CRPPA: variants seen among roughly 807,000 people sequenced by gnomAD.
CRPPA encodes the protein CDP-L-ribitol pyrophosphorylase A.
A neutral mutation model predicts 52.0 loss-of-function variants in CRPPA; 43 were observed. That is an observed-to-expected ratio of 0.83 (90% confidence interval 0.65 to 1.07). The LOEUF (loss-of-function observed/expected upper bound fraction) is 1.07, where lower values mean the gene tolerates loss of function less well. CRPPA is among the 50% of genes least tolerant of loss of function. CRPPA has a pLI of 0.00. For synonymous variants in CRPPA, 250 were observed against 203.5 expected, an observed-to-expected ratio of 1.23 and a Z score of -1.94; for missense variants, 629 against 551.7, an observed-to-expected ratio of 1.14 and a Z score of -1.40.
chr7:16,226,455 A>G (rs1311033355), intron 8 of CRPPA, among the ~76,000 whole-genome samples: 1 of 151,804 alleles, frequency 6.6e-6, no homozygotes, highest in East Asian at 1.9e-4. Context: ...TTTTTCCATG[A>G]AGGTACATCA....
intron 3 of CRPPA, among the ~76,000 whole-genome samples, chr7:16,338,777 C>G (rs1300077440): frequency 6.6e-6 from 1 of 151,570 alleles, no homozygotes; most frequent in Non-Finnish European, 1.5e-5. Context: ...GCAGAAAGCA[C>G]CAGCCCCCAA....
At chr7:16,400,521 A>C (rs747290351) in intron 2 of CRPPA, among the ~76,000 whole-genome samples, 1 of 152,244 alleles carries the variant, frequency 6.6e-6, no homozygotes, top group Non-Finnish European at 1.5e-5. Flanking sequence ...CACGACTGGC[A>C]CATGATTGAC....
chr7:16,247,542 G>T (rs144473329), intron 8 of CRPPA, among the ~76,000 whole-genome samples: 26 of 152,208 alleles, frequency 1.7e-4, no homozygotes, highest in African/African-American at 6.0e-4. Context: ...AGAGATCACT[G>T]ATCATAGACT....
intron 3 of CRPPA, among the ~76,000 whole-genome samples, chr7:16,317,007 G>GT (rs1785158213): frequency 6.6e-6 from 1 of 152,082 alleles, no homozygotes; most frequent in Admixed American, 6.5e-5. Context: ...AATCAGCTTA[G>GT]TTTTTTCTAA....
intron 9 of CRPPA, among the ~76,000 whole-genome samples, chr7:16,212,322 A>G (rs1205781774): frequency 6.6e-6 from 1 of 152,206 alleles, no homozygotes; most frequent in Non-Finnish European, 1.5e-5. Flanking sequence ...CCACTATATT[A>G]TAAGTAAGTG....
Position 16,217,889 on chromosome 7 carries a change from T to A in CRPPA, c.1120-1692A>T, listed in dbSNP as rs868495646. ...TCTGCAGGATATTATCCAGGAGAATTTCCCCAATCTAGCAAGGCAGGCCAA... is the reference window on the plus strand; with the variant it reads ...TCTGCAGGATATTATCCAGGAGAATATCCCCAATCTAGCAAGGCAGGCCAA... On this transcript the variant is annotated intron_variant, in intron 8 of 9. Coordinates refer to ENST00000407010, the MANE Select transcript of CRPPA (RefSeq NM_001101426.4). Among the ~76,000 whole-genome samples, 553 of 152,054 alleles carry A rather than the reference T, an allele frequency of 3.6e-3. 1 individual carries two copies. Among genetic ancestry groups the A allele is most frequent in the South Asian group, 0.011 (52 of 4,810 alleles).
At chr7:16,327,322 G>A (rs1255904810) in intron 3 of CRPPA, among the ~76,000 whole-genome samples, 1 of 152,132 alleles carries the variant, frequency 6.6e-6, no homozygotes, top group African/African-American at 2.4e-5. Flanking sequence ...GCCGGGCGCG[G>A]TGGCTCACGC....
chr7:16,259,848 ACT>A (rs911170121), intron 6 of CRPPA, among the ~76,000 whole-genome samples: 4 of 151,916 alleles, frequency 2.6e-5, no homozygotes, highest in Non-Finnish European at 5.9e-5. Context: ...AAACTCTGTA[ACT>A]CTGTACATTA....
intron 9 of CRPPA, among the ~76,000 whole-genome samples, chr7:16,145,573 A>C (rs1190523067): frequency 2.6e-5 from 4 of 152,122 alleles, no homozygotes; most frequent in Non-Finnish European, 4.4e-5. Context: ...GTGGATAAAC[A>C]ACTTAATAAA....
At chr7:16,181,318 T>TA (rs894233337) in intron 9 of CRPPA, among the ~76,000 whole-genome samples, 6 of 151,988 alleles carry the variant, frequency 3.9e-5, no homozygotes, top group Non-Finnish European at 8.8e-5. Flanking sequence ...CAAATGAATT[T>TA]AAAATACATC....
At chr7:16,104,558 T>A (rs1782110274) in intron 9 of CRPPA, among the ~76,000 whole-genome samples, 2 of 152,208 alleles carry the variant, frequency 1.3e-5, no homozygotes, top group African/African-American at 4.8e-5. Context: ...GTAGGAATAA[T>A]CTTGTGTCAG....
Position 16,410,638 on chromosome 7 carries a change from G to A in CRPPA, c.258-4301C>T, listed in dbSNP as rs190825616. ...CTGAGGTCATCCCCTGCTGGCTCTCGAGCAAGACCCTTCAAGACCTGACCT... is the reference window on the plus strand; with the variant it reads ...CTGAGGTCATCCCCTGCTGGCTCTCAAGCAAGACCCTTCAAGACCTGACCT... On this transcript the variant is annotated intron_variant, in intron 1 of 9. Coordinates refer to ENST00000407010, the MANE Select transcript of CRPPA (RefSeq NM_001101426.4). Among the ~76,000 whole-genome samples, 383 of 152,126 alleles carry A rather than the reference G, an allele frequency of 2.5e-3. 1 individual carries two copies. Among genetic ancestry groups the A allele is most frequent in the Non-Finnish European group, 4.4e-3 (299 of 67,994 alleles).
At chr7:16,134,829 G>T (rs1334222678) in intron 9 of CRPPA, among the ~76,000 whole-genome samples, 2 of 152,152 alleles carry the variant, frequency 1.3e-5, no homozygotes, top group East Asian at 1.9e-4. Flanking sequence ...TATTAGAAAT[G>T]CTCCTAAAAA....
At chr7:16,407,887 AC>A (rs1306332540) in intron 1 of CRPPA, among the ~76,000 whole-genome samples, 1 of 152,110 alleles carries the variant, frequency 6.6e-6, no homozygotes, top group Non-Finnish European at 1.5e-5. Context: ...CAGGTGGATC[AC>A]TTGAGATCAG....
intron 6 of CRPPA, among the ~76,000 whole-genome samples, chr7:16,267,151 A>G (rs1783977593): frequency 6.6e-6 from 1 of 152,222 alleles, no homozygotes; most frequent in Admixed American, 6.5e-5. Flanking sequence ...CCATTGATGG[A>G]TTAATATAAT....
At chr7:16,376,323 ACAGATCTTATTCATACCT>A in intron 2 of CRPPA, 82 bp from the exon 3 acceptor site, 2 of 1,388,728 alleles carry the variant, frequency 1.4e-6, no homozygotes, top group Non-Finnish European at 2.0e-6. Context: ...CTCACTTTTG[ACAGATCTTATTCATACCT>A]TCAACAAGCT....
intron 9 of CRPPA, among the ~76,000 whole-genome samples, chr7:16,143,604 CAG>C (rs1782915527): frequency 6.6e-6 from 1 of 152,116 alleles, no homozygotes; most frequent in Non-Finnish European, 1.5e-5. Flanking sequence ...TGCTCTCTGA[CAG>C]GGGAATGATG....
chr7:16,383,115 T>G lies in CRPPA; in HGVS notation c.535-6874A>C, dbSNP rs555020941. 6.5e-3 allele frequency among the ~76,000 whole-genome samples: 989 copies of G among 152,272 alleles called. 8 individuals carry two copies. Among genetic ancestry groups the G allele is most frequent in the Middle Eastern group, 0.01 (3 of 294 alleles). ...TTTCTGCTCTGTTTTTTCCCCATCT[T>G]TGTGGTTTTATCTACTTTTGGTCTT... On this transcript the variant is annotated intron_variant, in intron 2 of 9. Coordinates refer to ENST00000407010, the MANE Select transcript of CRPPA (RefSeq NM_001101426.4).
intron 9 of CRPPA, among the ~76,000 whole-genome samples, chr7:16,195,943 A>G (rs1241612449): frequency 6.6e-6 from 1 of 152,148 alleles, no homozygotes; most frequent in Non-Finnish European, 1.5e-5. Flanking sequence ...CCCATCCCCA[A>G]AAAGCCAAAG....
Sources: gnomAD v4.1 joint callset for allele counts (sites outside exome capture counted in the v4.1 genomes callset) on GRCh38, gnomAD v4.1.1 for gene constraint, MANE v1.5 for transcripts, NCBI Gene and HGNC (gene_info 2026-07-23, HGNC 2026-07-21) for gene names.